PEAK1: variants seen among roughly 807,000 people sequenced by gnomAD.
PEAK1 encodes inactive tyrosine-protein kinase PEAK1.
PEAK1 carries 54 observed loss-of-function variants against 124.7 expected under a neutral mutation model. The observed-to-expected ratio is 0.43, with a 90% CI of 0.35 to 0.54. The LOEUF is 0.54. PEAK1 is among the 20% of genes least tolerant of loss of function. PEAK1 has a pLI of 0.01. For synonymous variants in PEAK1, 719 were observed against 760.0 expected (o/e 0.95, Z 0.89); for missense variants, 2,046 against 2,134.5 (o/e 0.96, Z 0.82).
intron 2 of PEAK1, among the ~76,000 whole-genome samples, chr15:77,318,268 A>G (rs994090095): frequency 6.6e-6 from 1 of 152,200 alleles, no homozygotes; most frequent in Non-Finnish European, 1.5e-5. Flanking sequence ...ATTATAATAC[A>G]GTTTTGTAAG....
chr15:77,404,154 T>C (rs1171605568), intron 1 of PEAK1: 1 of 985,264 alleles, frequency 1.0e-6, no homozygotes, highest in Non-Finnish European at 1.2e-6. Context: ...GGTCCATAAA[T>C]ATAGAAATAC....
At chr15:77,380,050 C>A (rs530685406) in intron 1 of PEAK1, among the ~76,000 whole-genome samples, 6 of 152,262 alleles carry the variant, frequency 3.9e-5, no homozygotes, top group Admixed American at 3.9e-4. Flanking sequence ...TATTTCCTTA[C>A]CTGGCAAATA....
At chr15:77,177,443 G>A (rs1163057267) in intron 7 of PEAK1, among the ~76,000 whole-genome samples, 2 of 152,124 alleles carry the variant, frequency 1.3e-5, no homozygotes, top group Admixed American at 1.3e-4. Flanking sequence ...TTGGAGGTAT[G>A]TAAAAAGCTC....
chr15:77,313,724 G>GTATATA (rs1243000462), intron 2 of PEAK1, among the ~76,000 whole-genome samples: 8,742 of 108,218 alleles, frequency 0.081, 439 homozygotes, highest in Non-Finnish European at 0.11. Context: ...GTGTGTGTGT[G>GTATATA]TGTATATATA....
intron 6 of PEAK1, among the ~76,000 whole-genome samples, chr15:77,251,645 A>T (rs568555114): frequency 6.6e-6 from 1 of 152,276 alleles, no homozygotes; most frequent in South Asian, 2.1e-4. Flanking sequence ...GTGAGGTAGG[A>T]GGCGGGACTT....
chr15:77,117,273 T>C (rs187230728), intron 9 of PEAK1, among the ~76,000 whole-genome samples: 7 of 152,348 alleles, frequency 4.6e-5, no homozygotes, highest in African/African-American at 1.7e-4. Flanking sequence ...GCCTGGGATT[T>C]AGCTTTGCTA....
chr15:77,176,975 G>A (rs951423152), intron 7 of PEAK1, among the ~76,000 whole-genome samples: 32 of 150,212 alleles, frequency 2.1e-4, no homozygotes, highest in African/African-American at 7.3e-4. Flanking sequence ...GTTTTTTTTT[G>A]AGATGGAGTT....
intron 6 of PEAK1, among the ~76,000 whole-genome samples, chr15:77,247,911 T>C (rs143586385): frequency 3.9e-5 from 6 of 152,344 alleles, no homozygotes; most frequent in Non-Finnish European, 7.4e-5. Context: ...TCTATGCCTG[T>C]AGTTTTCTTT....
intron 6 of PEAK1, among the ~76,000 whole-genome samples, chr15:77,232,539 GA>G (rs2059952299): frequency 6.6e-6 from 1 of 152,112 alleles, no homozygotes. Flanking sequence ...TACTTCAGCG[GA>G]AAAATAGATC....
intron 2 of PEAK1, among the ~76,000 whole-genome samples, chr15:77,323,847 C>T (rs1030073850): frequency 2.0e-5 from 3 of 152,152 alleles, no homozygotes; most frequent in Admixed American, 6.5e-5. Context: ...GCCAAAAGAA[C>T]AAAGCTGGAG....
chr15:77,374,102 A>C (rs1427735821), intron 1 of PEAK1, among the ~76,000 whole-genome samples: 1 of 152,236 alleles, frequency 6.6e-6, no homozygotes, highest in Admixed American at 6.5e-5. Flanking sequence ...GTTTCTATAA[A>C]GTAAGTCTCC....
Position 77,181,710 on chromosome 15 carries a change from C to G in PEAK1, c.217G>C (p.Val73Leu). The change falls in exon 7 of 10, where the codon GTG (valine) becomes CTG (leucine). Residue 73 changes from valine (V) to leucine (L), a missense_variant. By Grantham distance (32) the Val-to-Leu change is conservative. Transcript: ENST00000682557. The stretch of plus-strand genomic sequence containing the variant: ...TCTGCCACTATCATAGTGGGCTTCA[C>G]AGCTATAGTGGGTTTTTTAGCCACA... ...PPVAKKPTIA[V>L]KPTMIVADGQ... is the part of the protein sequence containing the mutation. 6.2e-7 allele frequency: 1 copy of G among 1,614,090 alleles called. No individual in the cohort carries two copies. The highest frequency in any genetic ancestry group is 8.5e-7 in the Non-Finnish European group (1 of 1,180,008).
intron 8 of PEAK1, among the ~76,000 whole-genome samples, chr15:77,151,262 A>T (rs2054598265): frequency 6.6e-6 from 1 of 151,608 alleles, no homozygotes; most frequent in African/African-American, 2.4e-5. Flanking sequence ...TCTGATGGCC[A>T]GTGATGATGA....
chr15:77,302,907 T>C (rs1166029476), intron 2 of PEAK1, among the ~76,000 whole-genome samples: 2 of 152,200 alleles, frequency 1.3e-5, no homozygotes, highest in Non-Finnish European at 2.9e-5. Context: ...TCCTGGTTTT[T>C]CATCTATTCA....
intron 6 of PEAK1, among the ~76,000 whole-genome samples, chr15:77,225,666 T>TTATATATA (rs55958042): frequency 0.068 from 6,004 of 87,760 alleles, 338 homozygotes; most frequent in Middle Eastern, 0.095. Flanking sequence ...TGTGTATAAT[T>TTATATATA]TATATATATA....
chr15:77,130,787 T>C (rs998092903), intron 9 of PEAK1, among the ~76,000 whole-genome samples: 1 of 152,220 alleles, frequency 6.6e-6, no homozygotes, highest in African/African-American at 2.4e-5. Context: ...ACACTCACTG[T>C]AAACATCTGA....
chr15:77,116,978 ATT>A (rs562537006), intron 9 of PEAK1, among the ~76,000 whole-genome samples: 135 of 152,286 alleles, frequency 8.9e-4, no homozygotes, highest in Middle Eastern at 6.8e-3. Context: ...CAATCATAAC[ATT>A]TGTTATTTTT....
At chr15:77,344,153 G>A (rs967276831) in intron 2 of PEAK1, among the ~76,000 whole-genome samples, 8 of 152,062 alleles carry the variant, frequency 5.3e-5, no homozygotes, top group Non-Finnish European at 1.0e-4. Context: ...AAAGTGCAGT[G>A]GCGCCATCTC....
At position 77,112,681 on chromosome 15, in the gene PEAK1, AC is replaced by A. The variant is rs2051051844; in HGVS notation, c.*1474del. ...TACATACACACACACACACACACAC[AC>A]ACACACACACACACACACACACAAC... On this transcript the variant is annotated 3_prime_UTR_variant, in exon 10 of 10. Transcript: ENST00000682557. 1 of 151,732 alleles carries A rather than the reference AC, an allele frequency of 6.6e-6. No homozygotes were observed. Among genetic ancestry groups the A allele is most frequent in the African/African-American group, 2.4e-5 (1 of 41,304 alleles). 9.4% of individuals were successfully genotyped at this position (151,732 alleles called of 1,614,324 possible). A position where few individuals can be genotyped will look rare whatever the true frequency, so the allele number is the denominator to read the frequency against.
Sources: allele counts gnomAD v4.1 joint callset (sites outside exome capture counted in the v4.1 genomes callset), GRCh38; gene constraint gnomAD v4.1.1; transcripts MANE v1.5; gene names NCBI Gene and HGNC (gene_info 2026-07-23, HGNC 2026-07-21).